Variants in AOPEP observed in about 807,000 individuals in gnomAD.
The protein encoded by AOPEP is aminopeptidase O (putative).
Under a neutral mutation model 98.1 loss-of-function variants are expected in AOPEP, and 77 were observed. That is an observed-to-expected ratio of 0.78 (90% confidence interval 0.65 to 0.95). AOPEP has a LOEUF of 0.95. Ranked by LOEUF, AOPEP falls within the 40% of genes least tolerant of loss-of-function variation. AOPEP has a pLI of 0.00. For missense variants in AOPEP, 1,024 were observed against 1,024.7 expected, an observed-to-expected ratio of 1.00 and a Z score of 0.01; for synonymous variants, 346 against 365.3, an observed-to-expected ratio of 0.95 and a Z score of 0.60.
At chr9:94,906,801 G>C (rs975831720) in intron 5 of AOPEP, among the ~76,000 whole-genome samples, 1 of 152,202 alleles carries the variant, frequency 6.6e-6, no homozygotes, top group African/African-American at 2.4e-5. Context: ...TGGCAATGTA[G>C]GCTCTCAGTT....
At chr9:95,014,423 G>A (rs2062815144) in intron 13 of AOPEP, among the ~76,000 whole-genome samples, 1 of 152,026 alleles carries the variant, frequency 6.6e-6, no homozygotes, top group South Asian at 2.1e-4. Flanking sequence ...TATAAGCCTA[G>A]ATCGTGCCAC....
chr9:94,983,407 A>G (rs1299811422), intron 11 of AOPEP, among the ~76,000 whole-genome samples: 1 of 152,050 alleles, frequency 6.6e-6, no homozygotes, highest in Non-Finnish European at 1.5e-5. Context: ...CCAAATGTCT[A>G]ATTTTCTTTC....
At chr9:94,769,440 T>A (rs1473998021) in intron 2 of AOPEP, among the ~76,000 whole-genome samples, 1 of 152,088 alleles carries the variant, frequency 6.6e-6, no homozygotes, top group African/African-American at 2.4e-5. Context: ...AAGAAAAGAA[T>A]AGGCTGGGAG....
intron 10 of AOPEP, among the ~76,000 whole-genome samples, chr9:94,973,173 TG>T (rs2059632672): frequency 6.6e-6 from 1 of 152,352 alleles, no homozygotes; most frequent in African/African-American, 2.4e-5. Flanking sequence ...TGAAAATTGC[TG>T]GGGCTGTGTG....
At chr9:95,036,597 C>T (rs147072390) in intron 13 of AOPEP, among the ~76,000 whole-genome samples, 39 of 152,182 alleles carry the variant, frequency 2.6e-4, no homozygotes, top group African/African-American at 7.5e-4. Flanking sequence ...TCATTCCTTT[C>T]GGTAAATGTC....
At chr9:94,887,781 A>G (rs535951466) in intron 5 of AOPEP, among the ~76,000 whole-genome samples, 1 of 152,302 alleles carries the variant, frequency 6.6e-6, no homozygotes, top group East Asian at 1.9e-4. Flanking sequence ...AGTGGTGTCA[A>G]CATATCTGAA....
At chr9:94,787,455 G>A (rs1844683001) in intron 3 of AOPEP, among the ~76,000 whole-genome samples, 1 of 152,212 alleles carries the variant, frequency 6.6e-6, no homozygotes, top group Non-Finnish European at 1.5e-5. Flanking sequence ...GTTTCCACAA[G>A]TATCATCTTG....
At chr9:94,861,725 C>G (rs1438799898) in intron 5 of AOPEP, among the ~76,000 whole-genome samples, 1 of 152,190 alleles carries the variant, frequency 6.6e-6, no homozygotes, top group Non-Finnish European at 1.5e-5. Flanking sequence ...GATATAAAAC[C>G]ACTGAATGTG....
In AOPEP at chr9:95,004,394, A is replaced by G. The variant is rs576802995; in HGVS notation, c.1978-764A>G. Reference sequence around the variant, plus strand: ...GGCAGTCTGAGGGCTGCGGGTCCACACTCGCGGGAGCGCGGGGCTGGGTTT... The same window carrying G: ...GGCAGTCTGAGGGCTGCGGGTCCACGCTCGCGGGAGCGCGGGGCTGGGTTT... On this transcript the variant is annotated intron_variant, in intron 11 of 16. Coordinates refer to ENST00000375315, the MANE Select transcript of AOPEP (RefSeq NM_001193329.3). The G allele has an allele frequency of 1.7e-5, 7 of 409,342 alleles. 1 individual carries two copies. Among genetic ancestry groups the G allele is most frequent in the African/African-American group, 1.0e-4 (5 of 48,888 alleles). The allele number at this position is 409,342 out of a possible 1,614,324, so 25.4% of individuals were successfully genotyped here.
chr9:94,800,888 T>C lies in AOPEP; in HGVS notation c.1250T>C (p.Leu417Pro), dbSNP rs1184361810. Residue 417 changes from leucine to proline, a missense_variant, in exon 5 of 17, where the codon CTG becomes CCG. Coordinates refer to ENST00000375315, the MANE Select transcript of AOPEP (RefSeq NM_001193329.3). ...CLTGACQETL[L>P]RLIPPCLSAA... ...ACGGGTGCCTGCCAAGAGACCCTTC[T>C]GCGGCTGATCCCTCCTTGCCTCTCA... The C allele has an allele frequency of 6.2e-7, 1 of 1,614,190 alleles. No homozygotes were observed. Among genetic ancestry groups the C allele is most frequent in the South Asian group, 1.1e-5 (1 of 91,084 alleles).
intron 5 of AOPEP, among the ~76,000 whole-genome samples, chr9:94,856,115 A>G (rs2044177994): frequency 6.6e-6 from 1 of 152,142 alleles, no homozygotes; most frequent in African/African-American, 2.4e-5. Context: ...CTGACCACGA[A>G]TGGCTGGGAA....
At chr9:94,767,059 T>A (rs1347814045) in intron 2 of AOPEP, among the ~76,000 whole-genome samples, 1 of 152,130 alleles carries the variant, frequency 6.6e-6, no homozygotes, top group African/African-American at 2.4e-5. Context: ...AGTTTTAAAA[T>A]TAAAAGAATG....
the AOPEP span, chr9:95,101,910 G>A: frequency 1.2e-6 from 2 of 1,601,368 alleles, no homozygotes; most frequent in South Asian, 1.1e-5. Context: ...TTTGTCCTTT[G>A]TCCAGGGACG....
At chr9:94,906,361 G>T (rs1227481647) in intron 5 of AOPEP, among the ~76,000 whole-genome samples, 1 of 151,766 alleles carries the variant, frequency 6.6e-6, no homozygotes, top group Non-Finnish European at 1.5e-5. Flanking sequence ...AGCTACTCAG[G>T]AGGCTGACGC....
intron 11 of AOPEP, among the ~76,000 whole-genome samples, chr9:95,000,920 A>G (rs1164991802): frequency 6.6e-6 from 1 of 152,108 alleles, no homozygotes; most frequent in Admixed American, 6.5e-5. Flanking sequence ...CTTGTTTGGT[A>G]TTGAAAGATC....
chr9:94,932,518 C>T (rs1483377791), intron 7 of AOPEP: 6 of 150,962 alleles, frequency 4.0e-5, no homozygotes, highest in Non-Finnish European at 5.4e-5. Flanking sequence ...GAGTCTTGCT[C>T]TGTCGCCCAG....
chr9:95,044,980 C>T (rs572331789), intron 13 of AOPEP, among the ~76,000 whole-genome samples: 14 of 152,174 alleles, frequency 9.2e-5, no homozygotes, highest in Non-Finnish European at 1.6e-4. Context: ...GTTGAAGGAA[C>T]GTGGGGAAGA....
chr9:94,840,485 A>G (rs1437559357), intron 5 of AOPEP, among the ~76,000 whole-genome samples: 4 of 152,204 alleles, frequency 2.6e-5, no homozygotes, highest in Admixed American at 2.0e-4. Context: ...ACTGGTGTTA[A>G]TATCAGGGTA....
In AOPEP at chr9:94,924,092, G is replaced by T; in HGVS notation, c.1471G>T (p.Gly491Trp). 4 of 1,517,222 alleles carry T rather than the reference G, an allele frequency of 2.6e-6. No homozygotes were observed. The highest frequency in any genetic ancestry group is 2.6e-5 in the East Asian group (1 of 38,174). The allele number at this position is 1,517,222 out of a possible 1,614,324, so 94.0% of individuals were successfully genotyped here. ...IAHAWFGLAIGARDWTEEWLS... is the reference protein window; with the variant it reads ...IAHAWFGLAIWARDWTEEWLS... ...CCATGCCTGGTTTGGCCTAGCCATC[G>T]GGGCCCGAGACTGGACGGAGGAGTG... Residue 491 changes from glycine to tryptophan, a missense_variant, in exon 6 of 17, where the codon GGG (glycine) becomes TGG (tryptophan). Physicochemically the swap from Gly to Trp is radical, Grantham distance 184. Transcript: ENST00000375315.
Sources: allele counts gnomAD v4.1 joint callset (sites outside exome capture counted in the v4.1 genomes callset), GRCh38; gene constraint gnomAD v4.1.1; transcripts MANE v1.5; gene names NCBI Gene and HGNC (gene_info 2026-07-23, HGNC 2026-07-21).